The following SLC9A9 variants were observed in gnomAD, a reference collection of about 807,000 sequenced individuals.
The protein encoded by SLC9A9 is solute carrier family 9 member A9.
SLC9A9 carries 62 observed loss-of-function variants against 77.8 expected under a neutral mutation model. The observed-to-expected ratio is 0.80, with a 90% CI of 0.65 to 0.98. The LOEUF is 0.98. Ranked by LOEUF, SLC9A9 falls within the 50% of genes least tolerant of loss-of-function variation. SLC9A9 has a pLI of 0.00. For missense variants in SLC9A9, 775 were observed against 774.9 expected, an observed-to-expected ratio of 1.00 and a Z score of 0.00; for synonymous variants, 320 against 283.5, an observed-to-expected ratio of 1.13 and a Z score of -1.29.
At chr3:143,339,221 A>T (rs2032018340) in intron 14 of SLC9A9, among the ~76,000 whole-genome samples, 1 of 152,126 alleles carries the variant, frequency 6.6e-6, no homozygotes, top group Non-Finnish European at 1.5e-5. Flanking sequence ...GCTCTATCTC[A>T]CAATATTCTC....
At chr3:143,599,876 C>T (rs1265929954) in intron 6 of SLC9A9, among the ~76,000 whole-genome samples, 1 of 152,120 alleles carries the variant, frequency 6.6e-6, no homozygotes, top group Non-Finnish European at 1.5e-5. Context: ...AGAAAAATCC[C>T]AGAAACCAAA....
chr3:143,378,592 A>G (rs908525476), intron 13 of SLC9A9, among the ~76,000 whole-genome samples: 7 of 152,210 alleles, frequency 4.6e-5, no homozygotes, highest in African/African-American at 1.7e-4. Flanking sequence ...GAGTAGCAGG[A>G]GTTTTCTATT....
At chr3:143,500,306 A>G (rs1185381358) in intron 9 of SLC9A9, among the ~76,000 whole-genome samples, 1 of 152,120 alleles carries the variant, frequency 6.6e-6, no homozygotes, top group Admixed American at 6.6e-5. Flanking sequence ...GTCTGTATTT[A>G]TATCTTTCCC....
chr3:143,466,668 A>G (rs2035285448), intron 12 of SLC9A9, among the ~76,000 whole-genome samples: 2 of 152,198 alleles, frequency 1.3e-5, no homozygotes, highest in Non-Finnish European at 1.5e-5. Flanking sequence ...TGTATTATAG[A>G]TTTCTCTGTA....
chr3:143,570,767 G>C (rs1181357741), intron 8 of SLC9A9, among the ~76,000 whole-genome samples: 3 of 151,716 alleles, frequency 2.0e-5, no homozygotes, highest in Admixed American at 6.6e-5. Flanking sequence ...TATTTAGGTA[G>C]GCATATTTAA....
intron 5 of SLC9A9, among the ~76,000 whole-genome samples, chr3:143,692,400 A>G (rs1008267917): frequency 6.6e-6 from 1 of 152,116 alleles, no homozygotes; most frequent in African/African-American, 2.4e-5. Flanking sequence ...GGCAATACTC[A>G]TTTTTCAAAA....
chr3:143,553,031 A>G (rs1340686627), intron 8 of SLC9A9, among the ~76,000 whole-genome samples: 1 of 152,148 alleles, frequency 6.6e-6, no homozygotes, highest in Non-Finnish European at 1.5e-5. Context: ...CCTCTTTGGA[A>G]AGGCTGGGTG....
At chr3:143,626,018 C>T (rs2038317994) in intron 6 of SLC9A9, among the ~76,000 whole-genome samples, 2 of 152,180 alleles carry the variant, frequency 1.3e-5, no homozygotes, top group Admixed American at 1.3e-4. Flanking sequence ...GGAAAAAATG[C>T]TCATCATCAC....
intron 2 of SLC9A9, among the ~76,000 whole-genome samples, chr3:143,805,955 A>ATATC (rs898695194): frequency 6.6e-6 from 1 of 152,178 alleles, no homozygotes; most frequent in African/African-American, 2.4e-5. Flanking sequence ...CTTGAATCCA[A>ATATC]TATCTATCTG....
chr3:143,714,767 A>C (rs774844446), intron 4 of SLC9A9, among the ~76,000 whole-genome samples: 3 of 152,148 alleles, frequency 2.0e-5, no homozygotes, highest in African/African-American at 4.8e-5. Flanking sequence ...GTTAGATTTG[A>C]TCAATGGAGG....
At chr3:143,796,726 T>C in intron 3 of SLC9A9, 100 bp downstream of exon 3, 2 of 791,588 alleles carry the variant, frequency 2.5e-6, no homozygotes, top group Non-Finnish European at 4.1e-6. Context: ...AATGATACTC[T>C]TACCAAATAG....
chr3:143,450,036 TATATGTATATATACACAC>T (rs2034971835), intron 12 of SLC9A9, among the ~76,000 whole-genome samples: 1 of 108,516 alleles, frequency 9.2e-6, no homozygotes, highest in Non-Finnish European at 1.7e-5. Flanking sequence ...TATATATACA[TATATGTATATATACACAC>T]ATATATAATA....
intron 12 of SLC9A9, among the ~76,000 whole-genome samples, chr3:143,386,528 G>A (rs1466919215): frequency 6.6e-6 from 1 of 152,220 alleles, no homozygotes; most frequent in African/African-American, 2.4e-5. Context: ...ATTTCACAGG[G>A]TTGTGGTGAG....
chr3:143,315,323 T>G (rs1164392396), intron 14 of SLC9A9, among the ~76,000 whole-genome samples: 1 of 152,208 alleles, frequency 6.6e-6, no homozygotes. Flanking sequence ...TTTGCAGAGA[T>G]AGAGTTGGCT....
intron 4 of SLC9A9, among the ~76,000 whole-genome samples, chr3:143,711,668 T>C (rs551571372): frequency 3.3e-5 from 5 of 151,908 alleles, no homozygotes; most frequent in East Asian, 1.9e-4. Context: ...CTTCCCACTA[T>C]GGCCTCCTGG....
intron 12 of SLC9A9, among the ~76,000 whole-genome samples, chr3:143,383,986 T>C (rs1344245112): frequency 6.6e-6 from 1 of 152,232 alleles, no homozygotes; most frequent in Non-Finnish European, 1.5e-5. Flanking sequence ...CCCATCTCTC[T>C]AACCAAGGGA....
At chr3:143,668,048 G>A (rs938532223) in intron 5 of SLC9A9, among the ~76,000 whole-genome samples, 8 of 152,052 alleles carry the variant, frequency 5.3e-5, no homozygotes, top group African/African-American at 1.7e-4. Flanking sequence ...GTTTATTGTG[G>A]CACTATTCAC....
Position 143,618,839 on chromosome 3 carries a change from CA to C in SLC9A9, c.755+33415del, listed in dbSNP as rs373899229. ...TTATTTGAAGAAGAAATAAAGCAAG[CA>C]GATAGAATTTCCTATCTACTTGGCC... On this transcript the variant is annotated intron_variant, in intron 6 of 15. Coordinates refer to ENST00000316549, the MANE Select transcript of SLC9A9 (RefSeq NM_173653.4). Among the ~76,000 whole-genome samples, 130 of 152,262 alleles carry C rather than the reference CA, an allele frequency of 8.5e-4. 1 individual carries two copies. The East Asian group carries it at 0.017, about 20-fold the overall frequency.
chr3:143,680,691 T>C (rs1021349788), intron 5 of SLC9A9, among the ~76,000 whole-genome samples: 1 of 152,358 alleles, frequency 6.6e-6, no homozygotes, highest in Admixed American at 6.5e-5. Context: ...AATAGTTTTT[T>C]AGAATAGAGT....
Sources: allele counts gnomAD v4.1 joint callset (sites outside exome capture counted in the v4.1 genomes callset), GRCh38; gene constraint gnomAD v4.1.1; transcripts MANE v1.5; gene names NCBI Gene and HGNC (gene_info 2026-07-23, HGNC 2026-07-21).